HP1BP3: variants seen among roughly 807,000 people sequenced by gnomAD.
HP1BP3 encodes heterochromatin protein 1 binding protein 3.
In HP1BP3, 12 loss-of-function variants were observed where a neutral mutation model predicts 62.5. The ratio of observed to expected loss-of-function variants is 0.19; its 90% confidence interval spans 0.12 to 0.31. The LOEUF (loss-of-function observed/expected upper bound fraction) is 0.31, where lower values mean the gene tolerates loss of function less well. Ranked by LOEUF, HP1BP3 falls within the 10% of genes least tolerant of loss-of-function variation. HP1BP3 has a pLI of 1.00. For synonymous variants in HP1BP3, 260 were observed against 237.8 expected (o/e 1.09, Z -0.86); for missense variants, 502 against 651.8 (o/e 0.77, Z 2.50).
At chr1:20,750,459 C>T (rs1015192707) in intron 9 of HP1BP3, among the ~76,000 whole-genome samples, 31 of 151,416 alleles carry the variant, frequency 2.0e-4, no homozygotes, top group East Asian at 1.9e-4. Flanking sequence ...ACCCAAGACG[C>T]GGGGTTGCAG....
chr1:20,773,003 C>G (rs2057128840), intron 5 of HP1BP3, among the ~76,000 whole-genome samples: 2 of 152,032 alleles, frequency 1.3e-5, no homozygotes, highest in Non-Finnish European at 2.9e-5. Flanking sequence ...TAGAAATGAA[C>G]CTAGAGATAT....
chr1:20,783,311 G>C (rs1476735688), intron 1 of HP1BP3, among the ~76,000 whole-genome samples: 1 of 152,088 alleles, frequency 6.6e-6, no homozygotes, highest in Non-Finnish European at 1.5e-5. Context: ...CTGAGGTCAG[G>C]AGTCCGAGAC....
intron 8 of HP1BP3, among the ~76,000 whole-genome samples, chr1:20,758,136 ACT>A (rs2056236209): frequency 1.3e-5 from 2 of 152,220 alleles, no homozygotes; most frequent in South Asian, 2.1e-4. Context: ...ACGGAGCAAG[ACT>A]CTGTCTCAAA....
Position 20,770,942 on chromosome 1 carries a change from T to G in HP1BP3, c.642A>C (p.Gly214=), listed in dbSNP as rs914358513. Residue 214 remains glycine, a synonymous_variant, in exon 6 of 13, where the codon GGA becomes GGC. Coordinates refer to ENST00000438032, the MANE Select transcript of HP1BP3 (RefSeq NM_001372052.1). ...KQALKRELNR[G]VIKQVKGKGA... is the part of the protein sequence containing the mutation. ...AATTGTGTAATACCTGTTTGATGACTCCTCTATTTAATTCTCTTTTCAGTG... is the reference window on the plus strand; with the variant it reads ...AATTGTGTAATACCTGTTTGATGACGCCTCTATTTAATTCTCTTTTCAGTG... 12 of 1,601,086 alleles carry G rather than the reference T, an allele frequency of 7.5e-6. No individual in the cohort carries two copies. The highest frequency in any genetic ancestry group is 1.0e-5 in the Non-Finnish European group (12 of 1,175,812).
In HP1BP3 at chr1:20,749,732, T is replaced by C. The variant is rs1460949363; in HGVS notation, c.1132A>G (p.Asn378Asp). 6.2e-7 allele frequency: 1 copy of C among 1,609,118 alleles called. No homozygotes were observed. The highest frequency in any genetic ancestry group is 8.5e-7 in the Non-Finnish European group (1 of 1,178,318). Residue 378 changes from asparagine to aspartate, a missense_variant, in exon 10 of 13, where the codon AAC becomes GAC. This residue lies in a region of HP1BP3 where 194 missense variants were observed against 207.0 expected (regional missense o/e 0.94). Coordinates refer to ENST00000438032, the MANE Select transcript of HP1BP3 (RefSeq NM_001372052.1). ...VLENHPGTNS[N>D]YQMHLLKKTL... is the part of the protein sequence containing the mutation. ...CACAACCGAGTCTTACTTTGATAGT[T>C]AGAATTGGTTCCTGGGTGATTCTCT...
rs71014104 is a variant in HP1BP3 at position 20,759,880 on chromosome 1, A to ATTTTT, written c.891-2629_891-2625dup. Among the ~76,000 whole-genome samples the ATTTTT allele has an allele frequency of 6.0e-4, 68 of 113,016 alleles. 1 individual carries two copies. The highest frequency in any genetic ancestry group is 2.3e-3 in the African/African-American group (66 of 29,244). The allele number at this position is 113,016 out of a possible 152,430, so 74.1% of individuals were successfully genotyped here. On this transcript the variant is annotated intron_variant, in intron 8 of 12. Coordinates refer to ENST00000438032, the MANE Select transcript of HP1BP3 (RefSeq NM_001372052.1). ...GCCTTGTGGGCCATTTTAAAGACCG[A>ATTTTT]TTTTTTTTTTTTTTTTTTTTTGCCC...
At chr1:20,746,534 A>G (rs1000155993) in intron 11 of HP1BP3, among the ~76,000 whole-genome samples, 2 of 152,226 alleles carry the variant, frequency 1.3e-5, no homozygotes, top group African/African-American at 4.8e-5. Context: ...TATGTTATGT[A>G]CTTTACTGGA....
At chr1:20,774,531 A>G (rs1291770337) in intron 4 of HP1BP3, 2 of 152,218 alleles carry the variant, frequency 1.3e-5, no homozygotes, top group African/African-American at 4.8e-5. Context: ...TCAACAGACC[A>G]CATATACAAT....
At position 20,757,125 on chromosome 1, in the gene HP1BP3, T is replaced by G. The variant is rs752593837; in HGVS notation, c.981+41A>C. ...TAAGGAGGTCCTGAAACCAAAAACT[T>G]TAAGAAGCACTTCTCCACAACCAGG... On this transcript the variant is annotated intron_variant, in intron 9 of 12. Coordinates refer to ENST00000438032, the MANE Select transcript of HP1BP3 (RefSeq NM_001372052.1). 2.9e-6 allele frequency: 4 copies of G among 1,402,406 alleles called. No homozygotes were observed. The East Asian group carries it at 9.2e-5, about 32-fold the overall frequency. The allele number at this position is 1,402,406 out of a possible 1,614,324, so 86.9% of individuals were successfully genotyped here.
intron 6 of HP1BP3, 65 bp from the exon 7 acceptor site, chr1:20,767,729 G>C: frequency 9.7e-7 from 1 of 1,027,582 alleles, no homozygotes; most frequent in Non-Finnish European, 1.5e-6. Context: ...GGAAATTACA[G>C]GCCATGGTAA....
chr1:20,782,908 G>GA (rs1056907677), intron 1 of HP1BP3, among the ~76,000 whole-genome samples: 3,717 of 119,894 alleles, frequency 0.031, 149 homozygotes, highest in African/African-American at 0.1. Flanking sequence ...TCAAAAAAAA[G>GA]AAAAAAAAAA....
intron 5 of HP1BP3, among the ~76,000 whole-genome samples, chr1:20,771,912 G>A (rs1291400707): frequency 2.0e-5 from 3 of 152,064 alleles, no homozygotes; most frequent in South Asian, 2.1e-4. Flanking sequence ...TAAGAACTTC[G>A]TTGAATGTTT....
At chr1:20,761,116 C>A (rs1344429724) in intron 8 of HP1BP3, among the ~76,000 whole-genome samples, 1 of 152,114 alleles carries the variant, frequency 6.6e-6, no homozygotes, top group East Asian at 1.9e-4. Flanking sequence ...GTGATCTTGG[C>A]TCACTGCAGA....
intron 8 of HP1BP3, among the ~76,000 whole-genome samples, chr1:20,757,872 G>A (rs900653821): frequency 1.4e-4 from 21 of 152,100 alleles, no homozygotes; most frequent in African/African-American, 4.3e-4. Flanking sequence ...TTGGCCAGGC[G>A]CGGTGGCTCA....
At chr1:20,753,231 C>G (rs928293833) in intron 9 of HP1BP3, among the ~76,000 whole-genome samples, 3 of 152,142 alleles carry the variant, frequency 2.0e-5, no homozygotes, top group Admixed American at 2.0e-4. Flanking sequence ...CATGAGCCAC[C>G]GCGCCTGACC....
intron 4 of HP1BP3, 86 bp from the exon 5 acceptor site, chr1:20,773,696 TAA>T: frequency 1.2e-6 from 1 of 862,454 alleles, no homozygotes; most frequent in African/African-American, 1.7e-5. Flanking sequence ...CAGGGAGGGA[TAA>T]AAATTAATGC....
rs2055082726 is a variant in HP1BP3, at chr1:20,741,500, G to C, written c.*3297C>G. On this transcript the variant is annotated 3_prime_UTR_variant, in exon 13 of 13. Transcript: ENST00000438032. ...CCTGTTAATTATACCCAAAAGACAT[G>C]ATTAAAACATACACCTGTTTCCTAA... Among the ~76,000 whole-genome samples the C allele has an allele frequency of 6.6e-6, 1 of 152,188 alleles. No homozygotes were observed.
intron 1 of HP1BP3, among the ~76,000 whole-genome samples, chr1:20,783,129 T>G (rs1035343895): frequency 1.3e-4 from 19 of 151,612 alleles, no homozygotes; most frequent in African/African-American, 4.6e-4. Flanking sequence ...ATAATAATAA[T>G]AATAAAAGTT....
intron 4 of HP1BP3, chr1:20,773,930 T>C (rs764284305): frequency 2.2e-4 from 38 of 174,260 alleles, no homozygotes; most frequent in Non-Finnish European, 4.0e-4. Flanking sequence ...AGATGCAATA[T>C]GGTATAGTGG....
Sources: allele counts gnomAD v4.1 joint callset (sites outside exome capture counted in the v4.1 genomes callset), GRCh38; gene constraint gnomAD v4.1.1; regional missense constraint gnomAD v4.1.1; transcripts MANE v1.5; gene names NCBI Gene and HGNC (gene_info 2026-07-23, HGNC 2026-07-21).